Variants in ROBO1 observed in about 807,000 individuals in gnomAD.
ROBO1 encodes roundabout homolog 1.
ROBO1 carries 149 observed loss-of-function variants against 195.9 expected under a neutral mutation model. That is an observed-to-expected ratio of 0.76 (90% CI 0.67 to 0.87). ROBO1 has a LOEUF of 0.87. Ranked by LOEUF, ROBO1 falls within the 40% of genes least tolerant of loss-of-function variation. The pLI, the probability that ROBO1 is intolerant of heterozygous loss-of-function variation, is 0.00. For missense variants in ROBO1, 1,933 were observed against 2,068.3 expected, an observed-to-expected ratio of 0.93 and a Z score of 1.27; for synonymous variants, 816 against 733.2, an observed-to-expected ratio of 1.11 and a Z score of -1.82.
intron 1 of ROBO1, among the ~76,000 whole-genome samples, chr3:79,735,874 A>AAC (rs1321010867): frequency 8.2e-5 from 8 of 97,184 alleles, no homozygotes; most frequent in South Asian, 8.2e-4. Context: ...CCGTCTCAAA[A>AAC]AAAAAAAAAA....
intron 2 of ROBO1, among the ~76,000 whole-genome samples, chr3:79,358,606 G>A (rs1270203448): frequency 6.6e-6 from 1 of 151,980 alleles, no homozygotes; most frequent in African/African-American, 2.4e-5. Context: ...GTCTGGGTGT[G>A]CTTTAATTTT....
At chr3:78,835,019 T>C (rs1222738143) in intron 4 of ROBO1, among the ~76,000 whole-genome samples, 1 of 152,154 alleles carries the variant, frequency 6.6e-6, no homozygotes, top group East Asian at 1.9e-4. Flanking sequence ...TTTGTTTTAC[T>C]AGTGGGATTT....
chr3:79,320,144 G>A (rs1166714805), intron 2 of ROBO1, among the ~76,000 whole-genome samples: 1 of 152,142 alleles, frequency 6.6e-6, no homozygotes, highest in South Asian at 2.1e-4. Context: ...GAAATCCAAG[G>A]TCATGGTGCC....
chr3:79,644,277 T>A (rs767559744), intron 1 of ROBO1, among the ~76,000 whole-genome samples: 1 of 152,118 alleles, frequency 6.6e-6, no homozygotes, highest in African/African-American at 2.4e-5. Flanking sequence ...TCAACATTCC[T>A]CTCTCAGTAA....
intron 2 of ROBO1, among the ~76,000 whole-genome samples, chr3:79,134,345 C>G (rs1331999304): frequency 1.7e-5 from 2 of 118,106 alleles, no homozygotes; most frequent in African/African-American, 6.7e-5. Context: ...GAGATATCAT[C>G]TCACACCAGT....
At chr3:79,381,265 G>A (rs1236526888) in intron 2 of ROBO1, among the ~76,000 whole-genome samples, 3 of 149,806 alleles carry the variant, frequency 2.0e-5, no homozygotes, top group Non-Finnish European at 3.0e-5. Flanking sequence ...GCTGAGGCAG[G>A]AGAATTGCTT....
chr3:79,559,214 G>T (rs567695584), intron 2 of ROBO1, among the ~76,000 whole-genome samples: 2 of 152,264 alleles, frequency 1.3e-5, no homozygotes, highest in Non-Finnish European at 2.9e-5. Context: ...GCCTATAAAA[G>T]CTCACTGCCT....
At chr3:78,612,287 C>T (rs187461093) in intron 28 of ROBO1, among the ~76,000 whole-genome samples, 135 of 152,210 alleles carry the variant, frequency 8.9e-4, no homozygotes, top group African/African-American at 3.0e-3. Context: ...AAAAAAAACC[C>T]CACAAAATCC....
chr3:78,688,793 T>C (rs769516074), intron 8 of ROBO1, 21 bp from the exon 9 acceptor site: 213 of 1,596,638 alleles, frequency 1.3e-4, no homozygotes, highest in Non-Finnish European at 1.8e-4. Context: ...TGAAACAAAT[T>C]ACACCGAATT....
chr3:79,584,973 A>G (rs935993171), intron 2 of ROBO1, among the ~76,000 whole-genome samples: 1 of 151,756 alleles, frequency 6.6e-6, no homozygotes, highest in African/African-American at 2.4e-5. Context: ...CTCAGAGAAT[A>G]TTTGATTTAT....
intron 3 of ROBO1, among the ~76,000 whole-genome samples, chr3:79,005,130 C>A (rs918537202): frequency 6.6e-6 from 1 of 152,190 alleles, no homozygotes; most frequent in Non-Finnish European, 1.5e-5. Context: ...TTTAAACATG[C>A]CTCCTATGGA....
intron 2 of ROBO1, among the ~76,000 whole-genome samples, chr3:79,459,856 A>G (rs1383372440): frequency 6.6e-6 from 1 of 152,152 alleles, no homozygotes; most frequent in Non-Finnish European, 1.5e-5. Context: ...AGCCAGGCAA[A>G]GCAAATGTTG....
chr3:79,006,757 G>GAAAAAAAAAAA (rs11345487), intron 3 of ROBO1, among the ~76,000 whole-genome samples: 1 of 115,244 alleles, frequency 8.7e-6, no homozygotes. Context: ...CAAAATATCG[G>GAAAAAAAAAAA]AAAAAAAAAA....
At chr3:78,686,024 T>A in intron 9 of ROBO1, 107 bp from the exon 10 acceptor site, 2 of 897,682 alleles carry the variant, frequency 2.2e-6, no homozygotes, top group African/African-American at 1.7e-5. Context: ...TATAAAAGTA[T>A]TCATACACAT....
rs114694206 is a variant in ROBO1, at chr3:79,315,745, T to A, written c.89-190206A>T. ...TCAAGTAGATAGTTAGATATAATAA[T>A]CTGGAGTTTTAAGGCAAGATTTAGG... On this transcript the variant is annotated intron_variant, in intron 2 of 30. Transcript: ENST00000464233. 4.5e-3 allele frequency among the ~76,000 whole-genome samples: 689 copies of A among 152,306 alleles called. 1 individual carries two copies. Among genetic ancestry groups the A allele is most frequent in the Non-Finnish European group, 6.5e-3 (439 of 68,026 alleles).
chr3:79,753,357 T>C (rs907433441), intron 1 of ROBO1, among the ~76,000 whole-genome samples: 2 of 151,838 alleles, frequency 1.3e-5, no homozygotes. Flanking sequence ...GTCAGGGTGA[T>C]CTATTTGCAA....
In ROBO1 at chr3:78,661,346, G is replaced by T. The variant is rs572397917; in HGVS notation, c.2089-85C>A. The T allele has an allele frequency of 4.5e-4, 376 of 834,446 alleles. 2 individuals are homozygous for T. The Middle Eastern group carries it at 5.2e-3, about 12-fold the overall frequency. The allele number at this position is 834,446 out of a possible 1,614,324, so 51.7% of individuals were successfully genotyped here. A position where few individuals can be genotyped will look rare whatever the true frequency, so the allele number is the denominator to read the frequency against. On this transcript the variant is annotated intron_variant, in intron 15 of 30. Transcript: ENST00000464233. ...TAATAAAAATTAAACGTTATAAAATGCACAAAATTCTGTCTGGCTTCATCC... is the reference window on the plus strand; with the variant it reads ...TAATAAAAATTAAACGTTATAAAATTCACAAAATTCTGTCTGGCTTCATCC...
intron 2 of ROBO1, among the ~76,000 whole-genome samples, chr3:79,349,997 A>T (rs2035277415): frequency 6.6e-6 from 1 of 152,220 alleles, no homozygotes; most frequent in Non-Finnish European, 1.5e-5. Flanking sequence ...AAGAAAGTGA[A>T]AACACAACCC....
chr3:78,928,115 T>C (rs556284825), intron 4 of ROBO1, among the ~76,000 whole-genome samples: 12 of 152,296 alleles, frequency 7.9e-5, no homozygotes, highest in African/African-American at 2.9e-4. Context: ...ACACAGAGAC[T>C]AAATAATTTC....
Sources: gnomAD v4.1 joint callset for allele counts (sites outside exome capture counted in the v4.1 genomes callset) on GRCh38, gnomAD v4.1.1 for gene constraint, MANE v1.5 for transcripts, NCBI Gene and HGNC (gene_info 2026-07-23, HGNC 2026-07-21) for gene names.